Variants in PDZRN4 observed in about 807,000 individuals in gnomAD.
PDZRN4 encodes PDZ domain containing ring finger 4.
In PDZRN4, 70 loss-of-function variants were observed where a neutral mutation model predicts 99.0. That is an observed-to-expected ratio of 0.71 (90% CI 0.58 to 0.86). The LOEUF (loss-of-function observed/expected upper bound fraction) is 0.86, where lower values mean the gene tolerates loss of function less well. Among genes scored for constraint, PDZRN4 ranks in the 40% least tolerant of loss-of-function variants. PDZRN4 has a pLI of 0.00. For synonymous variants in PDZRN4, 551 were observed against 501.6 expected, an observed-to-expected ratio of 1.10 and a Z score of -1.32; for missense variants, 1,474 against 1,331.2, an observed-to-expected ratio of 1.11 and a Z score of -1.67.
intron 3 of PDZRN4, among the ~76,000 whole-genome samples, chr12:41,443,528 G>A (rs1952699361): frequency 6.6e-6 from 1 of 152,114 alleles, no homozygotes; most frequent in Non-Finnish European, 1.5e-5. Flanking sequence ...AAAGAGAACT[G>A]TGATAAGAGT....
chr12:41,428,325 G>A (rs147885289), intron 3 of PDZRN4, among the ~76,000 whole-genome samples: 2,137 of 152,154 alleles, frequency 0.014, 19 homozygotes, highest in African/African-American at 0.017. Context: ...TTATTGTCTG[G>A]AAATGTTATA....
At chr12:41,569,268 C>A (rs563610697) in intron 9 of PDZRN4, among the ~76,000 whole-genome samples, 1 of 152,062 alleles carries the variant, frequency 6.6e-6, no homozygotes, top group Non-Finnish European at 1.5e-5. Flanking sequence ...TATAAGTGCA[C>A]GCCATCATGC....
chr12:41,321,940 C>T (rs1951680650), intron 3 of PDZRN4, among the ~76,000 whole-genome samples: 1 of 152,170 alleles, frequency 6.6e-6, no homozygotes, highest in South Asian at 2.1e-4. Context: ...CAAACTACCT[C>T]TCCACCCAGA....
Position 41,423,249 on chromosome 12 carries a change from A to G in PDZRN4, c.844-83207A>G, listed in dbSNP as rs147099683. On this transcript the variant is annotated intron_variant, in intron 3 of 9. Transcript: ENST00000402685. The stretch of plus-strand genomic sequence containing the variant: ...CCATGGTGGTTTGCTGCACCCATCA[A>G]CCTGTCATCTACATTAGGTATTTCT... 3.7e-3 allele frequency among the ~76,000 whole-genome samples: 558 copies of G among 152,126 alleles called. 2 individuals carry two copies. The highest frequency in any genetic ancestry group is 0.013 in the African/African-American group (520 of 41,502).
intron 3 of PDZRN4, among the ~76,000 whole-genome samples, chr12:41,208,257 A>C (rs1440897561): frequency 6.6e-6 from 1 of 151,934 alleles, no homozygotes; most frequent in African/African-American, 2.4e-5. Context: ...AGACTTGACT[A>C]TTTGGTTCAA....
chr12:41,538,426 T>A (rs954981069), intron 5 of PDZRN4, among the ~76,000 whole-genome samples: 3 of 152,214 alleles, frequency 2.0e-5, no homozygotes, highest in African/African-American at 7.2e-5. Context: ...ATATTCATGA[T>A]ACTTTGCTAT....
intron 3 of PDZRN4, among the ~76,000 whole-genome samples, chr12:41,264,288 A>G (rs1566406014): frequency 6.6e-6 from 1 of 152,232 alleles, no homozygotes; most frequent in Non-Finnish European, 1.5e-5. Flanking sequence ...AGTGTATACA[A>G]TTTACAAAAT....
intron 3 of PDZRN4, among the ~76,000 whole-genome samples, chr12:41,277,954 AG>A (rs1951360419): frequency 6.6e-6 from 1 of 152,224 alleles, no homozygotes; most frequent in African/African-American, 2.4e-5. Flanking sequence ...TAGACATTTT[AG>A]TCCTCGGCAA....
At chr12:41,321,759 C>T (rs117645253) in intron 3 of PDZRN4, among the ~76,000 whole-genome samples, 2,711 of 152,188 alleles carry the variant, frequency 0.018, 31 homozygotes, top group African/African-American at 0.022. Flanking sequence ...AGACGATGAT[C>T]GCCTGTGTAA....
chr12:41,558,136 C>T (rs1328806134), intron 7 of PDZRN4, among the ~76,000 whole-genome samples: 2 of 152,104 alleles, frequency 1.3e-5, no homozygotes, highest in African/African-American at 2.4e-5. Flanking sequence ...TAATTTTAAA[C>T]GTATTGTTCA....
intron 3 of PDZRN4, among the ~76,000 whole-genome samples, chr12:41,255,949 C>T (rs1951202252): frequency 6.6e-6 from 1 of 152,024 alleles, no homozygotes; most frequent in Non-Finnish European, 1.5e-5. Context: ...CTCCCATGAC[C>T]CAAACACCTC....
chr12:41,216,789 T>A (rs1950923899), intron 3 of PDZRN4, among the ~76,000 whole-genome samples: 1 of 152,060 alleles, frequency 6.6e-6, no homozygotes, highest in Non-Finnish European at 1.5e-5. Flanking sequence ...ATCCTTTCTT[T>A]TTTTTAGGAA....
chr12:41,337,703 A>G (rs1951785901), intron 3 of PDZRN4, among the ~76,000 whole-genome samples: 1 of 152,068 alleles, frequency 6.6e-6, no homozygotes, highest in Non-Finnish European at 1.5e-5. Flanking sequence ...TTCTCACGAA[A>G]ACTTATCAGA....
At chr12:41,337,089 T>C (rs1951780941) in intron 3 of PDZRN4, among the ~76,000 whole-genome samples, 1 of 152,066 alleles carries the variant, frequency 6.6e-6, no homozygotes, top group African/African-American at 2.4e-5. Context: ...AAAAGGGCTG[T>C]TATCAATTTT....
Position 41,375,412 on chromosome 12 carries a change from G to A in PDZRN4, c.844-131044G>A, listed in dbSNP as rs543921847. 1.2e-3 allele frequency among the ~76,000 whole-genome samples: 180 copies of A among 152,094 alleles called. 4 individuals carry two copies. In the South Asian group the frequency reaches 0.037, roughly 31 times the overall value. On this transcript the variant is annotated intron_variant, in intron 3 of 9. Transcript: ENST00000402685. ...GATAGAATGAAATTTCAAGAGGAGG[G>A]GATCTTGAATAACATTATAATTTAT... is the stretch of plus-strand genomic sequence containing the variant.
intron 3 of PDZRN4, among the ~76,000 whole-genome samples, chr12:41,413,720 TG>T (rs1232360275): frequency 2.6e-5 from 4 of 152,180 alleles, no homozygotes; most frequent in Non-Finnish European, 5.9e-5. Flanking sequence ...ATATGTGAGA[TG>T]AGCCTTTGAA....
At chr12:41,503,188 G>A (rs1938140557) in intron 3 of PDZRN4, among the ~76,000 whole-genome samples, 2 of 152,102 alleles carry the variant, frequency 1.3e-5, no homozygotes, top group African/African-American at 4.8e-5. Flanking sequence ...TAGCAGTAGA[G>A]CATTTAAAGG....
chr12:41,452,129 AG>A (rs1441247908), intron 3 of PDZRN4, among the ~76,000 whole-genome samples: 7 of 147,952 alleles, frequency 4.7e-5, no homozygotes, highest in African/African-American at 1.8e-4. Context: ...AAAAAAAAAA[AG>A]TGGCTAATAG....
rs1952155359 is a variant in PDZRN4 at position 41,384,762 on chromosome 12, C to A, written c.844-121694C>A. On this transcript the variant is annotated intron_variant, in intron 3 of 9. Coordinates refer to ENST00000402685, the MANE Select transcript of PDZRN4 (RefSeq NM_001164595.2). ...TGGAATCATGCATCTCCTATTAACTCAACTGTGTGCCCTGGGTGAGACTCA... is the reference window on the plus strand; with the variant it reads ...TGGAATCATGCATCTCCTATTAACTAAACTGTGTGCCCTGGGTGAGACTCA... 2.0e-5 allele frequency among the ~76,000 whole-genome samples: 3 copies of A among 152,020 alleles called. No individual in the cohort carries two copies. In the South Asian group the frequency reaches 6.2e-4, roughly 32 times the overall value.
Sources: allele counts gnomAD v4.1 joint callset (sites outside exome capture counted in the v4.1 genomes callset), GRCh38; gene constraint gnomAD v4.1.1; transcripts MANE v1.5; gene names NCBI Gene and HGNC (gene_info 2026-07-23, HGNC 2026-07-21).